XIRP2: variants seen among roughly 807,000 people sequenced by gnomAD.
XIRP2 encodes xin actin-binding repeat-containing protein 2.
A neutral mutation model predicts 277.0 loss-of-function variants in XIRP2; 236 were observed. The observed-to-expected ratio is 0.85, with a 90% CI of 0.77 to 0.95. The LOEUF (loss-of-function observed/expected upper bound fraction) is 0.95. Ranked by LOEUF, XIRP2 falls within the 40% of genes least tolerant of loss-of-function variation. The probability of loss-of-function intolerance (pLI) is 0.00; values close to 1 mark genes in which losing one functional copy is unlikely to be tolerated. For synonymous variants in XIRP2, 1,490 were observed against 1,416.5 expected, an observed-to-expected ratio of 1.05 and a Z score of -1.17; for missense variants, 4,640 against 4,157.5, an observed-to-expected ratio of 1.12 and a Z score of -3.19.
At chr2:167,038,176 TTTTAA>T (rs1688567407) in intron 2 of XIRP2, among the ~76,000 whole-genome samples, 1 of 152,026 alleles carries the variant, frequency 6.6e-6, no homozygotes, top group African/African-American at 2.4e-5. Context: ...GAATAAAAAA[TTTTAA>T]TTTACTGTTT....
intron 4 of XIRP2, 122 bp from the exon 5 acceptor site, chr2:167,218,044 G>A: frequency 4.1e-6 from 3 of 740,290 alleles, no homozygotes; most frequent in Non-Finnish European, 5.8e-6. Context: ...AAATAATGGT[G>A]TATGTGAATA....
chr2:166,938,696 T>G (rs1008925163), intron 2 of XIRP2, among the ~76,000 whole-genome samples: 17 of 152,196 alleles, frequency 1.1e-4, no homozygotes, highest in South Asian at 4.2e-4. Flanking sequence ...ACAGTGGGGT[T>G]TTAAAGTCTC....
intron 2 of XIRP2, among the ~76,000 whole-genome samples, chr2:166,912,405 A>T (rs191064126): frequency 6.6e-6 from 1 of 152,284 alleles, no homozygotes; most frequent in Admixed American, 6.5e-5. Context: ...CGAATCGGCT[A>T]TTGAAGCTTG....
rs755285060 is a variant in XIRP2, at chr2:167,246,388, C to G, written c.4996C>G (p.Leu1666Val). ...KGDVQQAIKN[L>V]FSEERSVKKG... ...TGATGTACAACAAGCAATAAAAAAC[C>G]TGTTCTCTGAGGAAAGATCTGTAAA... The change falls in exon 9 of 11, where the codon CTG (leucine) becomes GTG (valine). Residue 1666 changes from leucine (L) to valine (V), a missense_variant. Transcript: ENST00000409195. The G allele has an allele frequency of 1.9e-6, 3 of 1,613,236 alleles. No individual in the cohort carries two copies. Among genetic ancestry groups the G allele is most frequent in the African/African-American group, 2.7e-5 (2 of 74,830 alleles).
rs1357711443 is a variant in XIRP2 at position 167,247,141 on chromosome 2, C to A, written c.5749C>A (p.Leu1917Ile). Residue 1917 changes from leucine to isoleucine, a missense_variant, in exon 9 of 11, where the codon CTT (leucine) becomes ATT (isoleucine). Physicochemically the swap from Leu to Ile is conservative, Grantham distance 5. Coordinates refer to ENST00000409195, the MANE Select transcript of XIRP2 (RefSeq NM_152381.6). ...AAAGACAGAAATTCTGAAAAAGGAG[C>A]TTCTCAAAGATGACCTGGAAACATC... ...NTKTEILKKE[L>I]LKDDLETSLR... 5 of 1,613,502 alleles carry A rather than the reference C, an allele frequency of 3.1e-6. No homozygotes were observed. Among genetic ancestry groups the A allele is most frequent in the Non-Finnish European group, 4.2e-6 (5 of 1,179,736 alleles).
At chr2:167,029,520 A>G (rs541974218) in intron 2 of XIRP2, among the ~76,000 whole-genome samples, 2 of 152,138 alleles carry the variant, frequency 1.3e-5, no homozygotes, top group South Asian at 2.1e-4. Flanking sequence ...ATAGATTTTC[A>G]TATGTTGAAC....
chr2:166,960,730 A>C (rs1686278918), intron 2 of XIRP2, among the ~76,000 whole-genome samples: 1 of 151,794 alleles, frequency 6.6e-6, no homozygotes, highest in Admixed American at 6.6e-5. Context: ...GGAAGTAAAC[A>C]TGAGCATAAT....
intron 2 of XIRP2, among the ~76,000 whole-genome samples, chr2:166,942,272 G>A (rs1685740437): frequency 1.3e-5 from 2 of 152,092 alleles, no homozygotes; most frequent in Non-Finnish European, 2.9e-5. Context: ...GACCCTGTGG[G>A]CATTTTGATA....
intron 3 of XIRP2, among the ~76,000 whole-genome samples, chr2:167,139,044 C>T (rs1691637008): frequency 6.6e-6 from 1 of 151,094 alleles, no homozygotes; most frequent in Non-Finnish European, 1.5e-5. Context: ...TCCAGGCTGG[C>T]CAACAGAGCG....
At chr2:167,041,747 C>T (rs1273948596) in intron 2 of XIRP2, among the ~76,000 whole-genome samples, 2 of 152,044 alleles carry the variant, frequency 1.3e-5, no homozygotes, top group Non-Finnish European at 2.9e-5. Context: ...AGAGAGGGCA[C>T]GTGTGCAACT....
Position 166,903,744 on chromosome 2 carries a change from A to G in XIRP2, c.262A>G (p.Arg88Gly). 1 of 1,613,684 alleles carries G rather than the reference A, an allele frequency of 6.2e-7. No individual in the cohort carries two copies. Among genetic ancestry groups the G allele is most frequent in the Non-Finnish European group, 8.5e-7 (1 of 1,179,792 alleles). Residue 88 changes from arginine (R) to glycine (G), a missense_variant, in exon 2 of 11, where the codon AGG becomes GGG. Coordinates refer to ENST00000409195, the MANE Select transcript of XIRP2 (RefSeq NM_152381.6). ...TTCTGTGGACAAGAGTAACAACACC[A>G]GGGAATATGGTCGGCCAGAAGTGCT... Reference protein sequence around the residue: ...KDSVDKSNNTREYGRPEVLKE... With the variant: ...KDSVDKSNNTGEYGRPEVLKE...
At chr2:166,929,636 C>T in intron 2 of XIRP2, among the ~76,000 whole-genome samples, 1 of 151,418 alleles carries the variant, frequency 6.6e-6, no homozygotes, top group South Asian at 2.1e-4. Context: ...AGGGTCAGTA[C>T]TTTTTTTTTC....
Position 167,244,800 on chromosome 2 carries a change from T to C in XIRP2, c.3408T>C (p.Leu1136=), listed in dbSNP as rs1248167664. 3.7e-6 allele frequency: 6 copies of C among 1,613,528 alleles called. No homozygotes were observed. Among genetic ancestry groups the C allele is most frequent in the Non-Finnish European group, 5.1e-6 (6 of 1,179,748 alleles). ...TCTWLFETQP[L]DTIKDDSETA... is the part of the protein sequence containing the mutation. ...CTTGGCTCTTTGAAACTCAGCCACT[T>C]GATACCATAAAAGATGACTCTGAAA... is the stretch of plus-strand genomic sequence containing the variant. Residue 1136 remains leucine, a synonymous_variant, in exon 9 of 11, where the codon CTT becomes CTC. Transcript: ENST00000409195.
chr2:167,196,562 T>C (rs1012977208), intron 3 of XIRP2, among the ~76,000 whole-genome samples: 2 of 151,990 alleles, frequency 1.3e-5, no homozygotes, highest in Non-Finnish European at 1.5e-5. Flanking sequence ...AGCATCAGCA[T>C]TTTGTGTTCC....
intron 5 of XIRP2, among the ~76,000 whole-genome samples, chr2:167,231,088 T>A (rs1486967526): frequency 6.6e-6 from 1 of 152,102 alleles, no homozygotes; most frequent in African/African-American, 2.4e-5. Flanking sequence ...TTTTTTGTCA[T>A]AATTAATAAC....
chr2:166,922,123 T>C (rs2105358468), intron 2 of XIRP2, among the ~76,000 whole-genome samples: 1 of 152,268 alleles, frequency 6.6e-6, no homozygotes, highest in East Asian at 1.9e-4. Flanking sequence ...AAGGACAAAC[T>C]GTCTTCTTGA....
At chr2:167,083,252 G>T (rs1289880745) in intron 2 of XIRP2, among the ~76,000 whole-genome samples, 1 of 151,992 alleles carries the variant, frequency 6.6e-6, no homozygotes, top group Non-Finnish European at 1.5e-5. Context: ...TCAGATAGTT[G>T]TAGATATGCG....
rs556778621 is a variant in XIRP2 at position 167,171,059 on chromosome 2, C to G, written c.562+34997C>G. 7.4e-3 allele frequency among the ~76,000 whole-genome samples: 1,117 copies of G among 151,940 alleles called. 11 individuals are homozygous for G. The highest frequency in any genetic ancestry group is 9.4e-3 in the Non-Finnish European group (636 of 67,948). On this transcript the variant is annotated intron_variant, in intron 3 of 10. Coordinates refer to ENST00000409195, the MANE Select transcript of XIRP2 (RefSeq NM_152381.6). ...GGATTACAAGTGCACACCACCATAC[C>G]CAGCTAATTTTTGTATTTTTAGTAG... is the stretch of plus-strand genomic sequence containing the variant.
Position 167,154,130 on chromosome 2 carries a change from G to T in XIRP2, c.562+18068G>T, listed in dbSNP as rs1411857814. ...CTGGTGTGAGATGGTATCTCATTGT[G>T]GTTTTGATTTGCATTTCTCTGATGG... On this transcript the variant is annotated intron_variant, in intron 3 of 10. Coordinates refer to ENST00000409195, the MANE Select transcript of XIRP2 (RefSeq NM_152381.6). 1.2e-4 allele frequency among the ~76,000 whole-genome samples: 18 copies of T among 149,446 alleles called. 3 individuals are homozygous for T. Among genetic ancestry groups the T allele is most frequent in the Non-Finnish European group, 2.7e-4 (18 of 67,324 alleles).
Sources: allele counts gnomAD v4.1 joint callset (sites outside exome capture counted in the v4.1 genomes callset), GRCh38; gene constraint gnomAD v4.1.1; transcripts MANE v1.5; gene names NCBI Gene and HGNC (gene_info 2026-07-23, HGNC 2026-07-21).